Variants in METTL2B observed in about 807,000 individuals in gnomAD.
METTL2B encodes the protein methyltransferase 2B, tRNA N3-cytidine.
Under a neutral mutation model 51.0 loss-of-function variants are expected in METTL2B, and 28 were observed. That is an observed-to-expected ratio of 0.55 (90% CI 0.41 to 0.75). The LOEUF (loss-of-function observed/expected upper bound fraction) is 0.75, where lower values mean the gene tolerates loss of function less well. Among genes scored for constraint, METTL2B ranks in the 30% least tolerant of loss-of-function variants. METTL2B has a pLI of 0.00. For missense variants in METTL2B, 313 were observed against 460.7 expected, an observed-to-expected ratio of 0.68 and a Z score of 2.93; for synonymous variants, 128 against 166.3, an observed-to-expected ratio of 0.77 and a Z score of 1.77.
chr7:128,492,435 G>GGCCT (rs1021407319), intron 5 of METTL2B, among the ~76,000 whole-genome samples: 9 of 151,842 alleles, frequency 5.9e-5, no homozygotes, highest in Non-Finnish European at 1.2e-4. Context: ...TAGGATTACA[G>GGCCT]GCCTGCACCT....
chr7:128,501,866 G>T lies in METTL2B; in HGVS notation c.1087G>T (p.Val363Phe). Residue 363 changes from valine to phenylalanine, a missense_variant, in exon 9 of 9, where the codon GTT becomes TTT. Val to Phe is a conservative substitution (Grantham distance 50, BLOSUM62 -1). Transcript: ENST00000262432. ...AGGGAAGCAACTGACAATGTACCGG[G>T]TTTGGATTCAGTGCAAATACTGCAA... ...NRGKQLTMYR[V>F]WIQCKYCKPL... is the part of the protein sequence containing the mutation. 6.2e-7 allele frequency: 1 copy of T among 1,614,214 alleles called. No homozygotes were observed.
Position 128,498,115 on chromosome 7 carries a change from G to A in METTL2B, c.889G>A (p.Asp297Asn), listed in dbSNP as rs1223380353. 6.2e-7 allele frequency: 1 copy of A among 1,613,960 alleles called. No individual in the cohort carries two copies. Among genetic ancestry groups the A allele is most frequent in the Admixed American group, 1.7e-5 (1 of 59,988 alleles). ...ACTTCTGCGAGATTACGGCCGCTATGACATGGCTCAGCTTCGGTTTAAAAA... is the reference window on the plus strand; with the variant it reads ...ACTTCTGCGAGATTACGGCCGCTATAACATGGCTCAGCTTCGGTTTAAAAA... Reference protein sequence around the residue: ...MVLLRDYGRYDMAQLRFKKGQ... With the variant: ...MVLLRDYGRYNMAQLRFKKGQ... The change falls in exon 7 of 9, where the codon GAC becomes AAC. Residue 297 changes from aspartate to asparagine, a missense_variant. Physicochemically the swap from Asp to Asn is conservative, Grantham distance 23 (BLOSUM62 1). This residue lies in a region of METTL2B where 138 missense variants were observed against 187.6 expected (regional missense o/e 0.74). Transcript: ENST00000262432.
intron 7 of METTL2B, among the ~76,000 whole-genome samples, chr7:128,500,631 A>T (rs1043936158): frequency 2.9e-5 from 4 of 140,016 alleles, no homozygotes; most frequent in African/African-American, 1.0e-4. Flanking sequence ...CAAAAAAAAT[A>T]AATAAATAAA....
chr7:128,488,452 G>A, intron 5 of METTL2B: 1 of 579,884 alleles, frequency 1.7e-6, no homozygotes, highest in Non-Finnish European at 3.4e-6. Context: ...TGTGTGTCAT[G>A]CTTTGGTGAT....
rs1289142170 is a variant in METTL2B, at chr7:128,477,257, C to T, written c.202+84C>T. On this transcript the variant is annotated intron_variant, in intron 2 of 8. Coordinates refer to ENST00000262432, the MANE Select transcript of METTL2B (RefSeq NM_018396.3). The stretch of plus-strand genomic sequence containing the variant: ...CCCGGAGAGGCCAGGGAACCGCGGC[C>T]GCCCACATCCTTTATTCCTGGCCTG... 10 of 1,561,078 alleles carry T rather than the reference C, an allele frequency of 6.4e-6. No individual in the cohort carries two copies. The African/African-American group carries it at 9.4e-5, about 15-fold the overall frequency.
intron 4 of METTL2B, among the ~76,000 whole-genome samples, chr7:128,485,928 A>G (rs550077185): frequency 3.3e-5 from 5 of 152,304 alleles, no homozygotes; most frequent in African/African-American, 1.2e-4. Flanking sequence ...TGCAAATGCT[A>G]CACCCGACAC....
At chr7:128,493,358 A>T (rs902615338) in intron 5 of METTL2B, among the ~76,000 whole-genome samples, 1 of 152,054 alleles carries the variant, frequency 6.6e-6, no homozygotes, top group Non-Finnish European at 1.5e-5. Context: ...GATTATAGGC[A>T]TGCGCCACCA....
Position 128,501,116 on chromosome 7 carries a change from G to A in METTL2B, c.982+148G>A, listed in dbSNP as rs1793021470. ...CGCTGCTCACACCCTCTTCCACCCT[G>A]GGCTAGGCTACCCATGGCAGCCAGC... is the stretch of plus-strand genomic sequence containing the variant. On this transcript the variant is annotated intron_variant, in intron 8 of 8. Transcript: ENST00000262432. 3 of 1,512,682 alleles carry A rather than the reference G, an allele frequency of 2.0e-6. No individual in the cohort carries two copies. The Admixed American group carries it at 7.0e-5, about 35-fold the overall frequency. 93.7% of individuals were successfully genotyped at this position (1,512,682 alleles called of 1,614,324 possible).
In METTL2B at chr7:128,493,814, A is replaced by C. The variant is rs1792877392; in HGVS notation, c.680A>C (p.Glu227Ala). The change falls in exon 6 of 9, where the codon GAA becomes GCA. Residue 227 changes from glutamate to alanine, a missense_variant. Glu to Ala is a moderately radical substitution (Grantham distance 107). Around this residue, in one of 4 missense-constraint regions of METTL2B, gnomAD observed 138 missense variants for 187.6 expected, o/e 0.74. Transcript: ENST00000262432. ...TCCACCTGTCTGCAGACAAATTCAG[A>C]ATATGATCCTTCTCGGTGTTTTGCC... ...TAIELVQTNS[E>A]YDPSRCFAFV... 2 of 1,607,072 alleles carry C rather than the reference A, an allele frequency of 1.2e-6. No homozygotes were observed. The highest frequency in any genetic ancestry group is 1.7e-6 in the Non-Finnish European group (2 of 1,178,170).
rs1793105621 is a variant in METTL2B at position 128,505,252 on chromosome 7, TGAGA to T, written c.*3337_*3340del. ...CATTGCACTCCAGCCTGGGCAACAG[TGAGA>T]CTCCGTCTCAAAATAAAAAAACAAA... is the stretch of plus-strand genomic sequence containing the variant. On this transcript the variant is annotated 3_prime_UTR_variant, in exon 9 of 9. Transcript: ENST00000262432. 6.6e-6 allele frequency: 1 copy of T among 152,168 alleles called. No homozygotes were observed. The highest frequency in any genetic ancestry group is 1.5e-5 in the Non-Finnish European group (1 of 68,108). The allele number at this position is 152,168 out of a possible 1,614,324, so 9.4% of individuals were successfully genotyped here. A position where few individuals can be genotyped will look rare whatever the true frequency, so the allele number is the denominator to read the frequency against.
chr7:128,487,305 A>G (rs1792736719), intron 4 of METTL2B, among the ~76,000 whole-genome samples: 1 of 152,170 alleles, frequency 6.6e-6, no homozygotes, highest in South Asian at 2.1e-4. Flanking sequence ...TCAAATTATG[A>G]GCCCAACAGT....
At chr7:128,490,241 TGAAAGAAA>T (rs527471572) in intron 5 of METTL2B, among the ~76,000 whole-genome samples, 11 of 151,720 alleles carry the variant, frequency 7.3e-5, no homozygotes, top group East Asian at 3.9e-4. Context: ...GGATGCTGGT[TGAAAGAAA>T]GAAAGAAAGA....
At position 128,503,144 on chromosome 7, in the gene METTL2B, C is replaced by A. The variant is rs1793061213; in HGVS notation, c.*1228C>A. ...AAATAGCTGGGCATGGTGGCATGCG[C>A]CTGTAGTCCCCTGTAGTCCCAGCTA... On this transcript the variant is annotated 3_prime_UTR_variant, in exon 9 of 9. Coordinates refer to ENST00000262432, the MANE Select transcript of METTL2B (RefSeq NM_018396.3). 1.3e-5 allele frequency: 2 copies of A among 150,450 alleles called. No individual in the cohort carries two copies. Among genetic ancestry groups the A allele is most frequent in the Non-Finnish European group, 2.9e-5 (2 of 68,080 alleles). 9.3% of individuals were successfully genotyped at this position (150,450 alleles called of 1,614,324 possible). A position where few individuals can be genotyped will look rare whatever the true frequency, so the allele number is the denominator to read the frequency against.
intron 5 of METTL2B, among the ~76,000 whole-genome samples, chr7:128,492,828 G>C (rs967174079): frequency 9.2e-5 from 14 of 151,522 alleles, no homozygotes; most frequent in African/African-American, 3.4e-4. Context: ...ATGTTAGCTA[G>C]GATGGTCTCC....
intron 5 of METTL2B, chr7:128,488,563 CG>C (rs1563028726): frequency 2.2e-6 from 1 of 454,964 alleles, no homozygotes; most frequent in Non-Finnish European, 4.6e-6. Context: ...CTGTGTAAGA[CG>C]GTCAACTTAA....
chr7:128,487,603 C>T (rs1245470421), intron 4 of METTL2B, among the ~76,000 whole-genome samples: 2 of 152,200 alleles, frequency 1.3e-5, no homozygotes. Flanking sequence ...TTTATCTCCT[C>T]AGCATCTAAG....
In METTL2B at chr7:128,481,034, C is replaced by A. The variant is rs181804641; in HGVS notation, c.608+338C>A. ...TGCTAGTGTTAACGTTTAGTGCCTTCTTCTTCTTCTAAGGAACAAATGTGT... is the reference window on the plus strand; with the variant it reads ...TGCTAGTGTTAACGTTTAGTGCCTTATTCTTCTTCTAAGGAACAAATGTGT... On this transcript the variant is annotated intron_variant, in intron 4 of 8. Coordinates refer to ENST00000262432, the MANE Select transcript of METTL2B (RefSeq NM_018396.3). Among the ~76,000 whole-genome samples, 353 of 152,270 alleles carry A rather than the reference C, an allele frequency of 2.3e-3. 1 individual carries two copies. The highest frequency in any genetic ancestry group is 8.1e-3 in the African/African-American group (337 of 41,554).
intron 4 of METTL2B, 66 bp from the exon 5 acceptor site, chr7:128,488,035 A>T (rs1376042741): frequency 4.1e-6 from 5 of 1,210,382 alleles, no homozygotes; most frequent in Non-Finnish European, 5.9e-6. Context: ...ACTGTGCTAC[A>T]CAAGAATGAG....
chr7:128,490,907 C>T (rs1454024584), intron 5 of METTL2B, among the ~76,000 whole-genome samples: 2 of 151,956 alleles, frequency 1.3e-5, no homozygotes, highest in Non-Finnish European at 2.9e-5. Context: ...TCACACCTGT[C>T]ATCCCAGCAC....
Sources: gnomAD v4.1 joint callset for allele counts (sites outside exome capture counted in the v4.1 genomes callset) on GRCh38, gnomAD v4.1.1 for gene constraint, gnomAD v4.1.1 regional missense constraint, MANE v1.5 for transcripts, NCBI Gene and HGNC (gene_info 2026-07-23, HGNC 2026-07-21) for gene names.